The following HBS1L variants were observed in gnomAD, a reference collection of about 807,000 sequenced individuals.
The protein encoded by HBS1L is HBS1-like protein.
A neutral mutation model predicts 88.9 loss-of-function variants in HBS1L; 55 were observed. The ratio of observed to expected loss-of-function variants is 0.62; its 90% CI spans 0.50 to 0.77. HBS1L has a LOEUF of 0.77. Ranked by LOEUF, HBS1L falls within the 30% of genes least tolerant of loss-of-function variation. The pLI, the probability that HBS1L is intolerant of heterozygous loss-of-function variation, is 0.00. For missense variants in HBS1L, 741 were observed against 829.3 expected, an observed-to-expected ratio of 0.89 and a Z score of 1.31; for synonymous variants, 267 against 288.5, an observed-to-expected ratio of 0.93 and a Z score of 0.76.
Position 134,962,155 on chromosome 6 carries a change from T to C in HBS1L, c.*3124A>G, listed in dbSNP as rs900477600. The C allele has an allele frequency of 6.6e-6, 1 of 152,188 alleles. No homozygotes were observed. Among genetic ancestry groups the C allele is most frequent in the Non-Finnish European group, 1.5e-5 (1 of 68,016 alleles). The allele number at this position is 152,188 out of a possible 1,614,324, so 9.4% of individuals were successfully genotyped here. On this transcript the variant is annotated 3_prime_UTR_variant, in exon 18 of 18. Coordinates refer to ENST00000367837, the MANE Select transcript of HBS1L (RefSeq NM_006620.4). ...TAGAAGATGATTCAGTAGTTTGTAT[T>C]GGGCCTACTTGTCTTGATTTTTTGA...
rs1774248253 is a variant in HBS1L, at chr6:134,964,194, A to G, written c.*1085T>C. ...TACAAATCACGCTGCTAATAAAAAA[A>G]AAAGCTTATCATAAACAGTCTATCA... On this transcript the variant is annotated 3_prime_UTR_variant, in exon 18 of 18. Transcript: ENST00000367837. The G allele has an allele frequency of 6.6e-6, 1 of 152,172 alleles. No individual in the cohort carries two copies. The highest frequency in any genetic ancestry group is 1.5e-5 in the Non-Finnish European group (1 of 68,010). 9.4% of individuals were successfully genotyped at this position (152,172 alleles called of 1,614,324 possible).
intron 4 of HBS1L, among the ~76,000 whole-genome samples, chr6:135,011,533 C>A (rs1320480928): frequency 6.6e-6 from 1 of 152,016 alleles, no homozygotes; most frequent in Non-Finnish European, 1.5e-5. Flanking sequence ...AAAAAAGGTT[C>A]TCCCTGATTA....
At chr6:135,027,776 A>ATT (rs3071559) in intron 4 of HBS1L, among the ~76,000 whole-genome samples, 68,538 of 149,272 alleles carry the variant, frequency 0.46, 15,933 homozygotes, top group South Asian at 0.56. Context: ...ATAAAAACTC[A>ATT]TTTTTTTTTT....
chr6:134,985,780 G>C (rs538788259), intron 11 of HBS1L, among the ~76,000 whole-genome samples: 2 of 152,130 alleles, frequency 1.3e-5, no homozygotes, highest in East Asian at 1.9e-4. Context: ...TCGGATAAGG[G>C]ACATTCAACC....
rs1315314642 is a variant in HBS1L at position 134,960,453 on chromosome 6, T to C, written c.*4826A>G. On this transcript the variant is annotated 3_prime_UTR_variant, in exon 18 of 18. Coordinates refer to ENST00000367837, the MANE Select transcript of HBS1L (RefSeq NM_006620.4). ...GATCTATAAGGCAGAGCTATGAGAATTCCTCAATAATTGTAACTATGCCCT... is the reference window on the plus strand; with the variant it reads ...GATCTATAAGGCAGAGCTATGAGAACTCCTCAATAATTGTAACTATGCCCT... 1 of 152,136 alleles carries C rather than the reference T, an allele frequency of 6.6e-6. No individual in the cohort carries two copies. The highest frequency in any genetic ancestry group is 1.5e-5 in the Non-Finnish European group (1 of 67,960). 9.4% of individuals were successfully genotyped at this position (152,136 alleles called of 1,614,324 possible).
At chr6:135,050,461 T>C (rs1562320763) in intron 2 of HBS1L, 121 bp downstream of exon 2, 1 of 579,582 alleles carries the variant, frequency 1.7e-6, no homozygotes, top group African/African-American at 2.0e-5. Context: ...ATAATTAACA[T>C]ATAATTAACT....
intron 1 of HBS1L, 44 bp from the exon 2 acceptor site, chr6:135,050,691 T>C: frequency 7.8e-7 from 1 of 1,275,342 alleles, no homozygotes; most frequent in Non-Finnish European, 1.1e-6. Flanking sequence ...CAAGTTCTTT[T>C]TATATTCTTA....
intron 4 of HBS1L, among the ~76,000 whole-genome samples, chr6:135,009,343 A>T (rs1454588193): frequency 6.6e-6 from 1 of 152,234 alleles, no homozygotes; most frequent in African/African-American, 2.4e-5. Flanking sequence ...AGAGGCAATA[A>T]GCAAGAGAAA....
At chr6:134,972,095 T>C (rs1429114813) in intron 15 of HBS1L, among the ~76,000 whole-genome samples, 3 of 152,196 alleles carry the variant, frequency 2.0e-5, no homozygotes, top group Non-Finnish European at 4.4e-5. Context: ...TATTTACCTT[T>C]CTAAAGTTCT....
chr6:135,022,396 C>CAT (rs2114858461), intron 4 of HBS1L, among the ~76,000 whole-genome samples: 1 of 151,118 alleles, frequency 6.6e-6, no homozygotes, highest in South Asian at 2.1e-4. Context: ...TAGATGGTAT[C>CAT]AGCTGTTCAT....
chr6:135,037,316 GA>G, intron 4 of HBS1L: 1 of 1,551,944 alleles, frequency 6.4e-7, no homozygotes, highest in Non-Finnish European at 8.7e-7. Context: ...TTGTGTTCCT[GA>G]AACAGTTCAG....
chr6:134,964,888 T>C lies in HBS1L; in HGVS notation c.*391A>G, dbSNP rs186774858. 4.5e-4 allele frequency: 76 copies of C among 168,006 alleles called. 1 individual carries two copies. The East Asian group carries it at 9.1e-3, about 20-fold the overall frequency. 10.4% of individuals were successfully genotyped at this position (168,006 alleles called of 1,614,324 possible). A position where few individuals can be genotyped will look rare whatever the true frequency, so the allele number is the denominator to read the frequency against. ...CCTGAAAAACCCAATTAAGTTACTT[T>C]TCCTTAAAACATGTGCAGTATAATT... On this transcript the variant is annotated 3_prime_UTR_variant, in exon 18 of 18. Transcript: ENST00000367837.
chr6:135,040,271 A>C (rs916682410), intron 3 of HBS1L, among the ~76,000 whole-genome samples: 1 of 152,026 alleles, frequency 6.6e-6, no homozygotes, highest in Non-Finnish European at 1.5e-5. Context: ...TCTTTAAAAA[A>C]CGGCAAGATA....
At chr6:135,024,441 A>G (rs78737567) in intron 4 of HBS1L, among the ~76,000 whole-genome samples, 1 of 108,856 alleles carries the variant, frequency 9.2e-6, no homozygotes, top group Non-Finnish European at 1.7e-5. Flanking sequence ...CTTCGTCTCA[A>G]AAAAAAAAAA....
In HBS1L at chr6:135,050,928, T is replaced by C. The variant is rs529755397; in HGVS notation, c.44-281A>G. Among the ~76,000 whole-genome samples the C allele has an allele frequency of 3.9e-5, 6 of 152,294 alleles. No homozygotes were observed. The South Asian group carries it at 1.2e-3, about 32-fold the overall frequency. ...CTCATAGGATCAAATACAATAATCC[T>C]ATAAAAAATATACTTGAGGCCAGGC... On this transcript the variant is annotated intron_variant, in intron 1 of 17. Transcript: ENST00000367837.
rs1774273394 is a variant in HBS1L at position 134,965,114 on chromosome 6, G to A, written c.*165C>T. 1.1e-5 allele frequency: 7 copies of A among 648,796 alleles called. No individual in the cohort carries two copies. The South Asian group carries it at 1.3e-4, about 12-fold the overall frequency. 40.2% of individuals were successfully genotyped at this position (648,796 alleles called of 1,614,324 possible). On this transcript the variant is annotated 3_prime_UTR_variant, in exon 18 of 18. Transcript: ENST00000367837. Reference sequence around the variant, plus strand: ...CAGTTGGCAACTTAGAATTTTTGCAGAGGTGATTATTAATACTTCTTTGCA... The same window carrying A: ...CAGTTGGCAACTTAGAATTTTTGCAAAGGTGATTATTAATACTTCTTTGCA...
chr6:135,036,892 G>T, intron 4 of HBS1L: 3 of 1,551,508 alleles, frequency 1.9e-6, no homozygotes, highest in Non-Finnish European at 2.6e-6. Flanking sequence ...CCCTAGCTTT[G>T]AACTTAGAAC....
intron 4 of HBS1L, among the ~76,000 whole-genome samples, chr6:135,033,748 A>G (rs1441727719): frequency 6.6e-6 from 1 of 152,242 alleles, no homozygotes; most frequent in Non-Finnish European, 1.5e-5. Context: ...TTATAAAAGA[A>G]GGTAACACAA....
At chr6:134,980,030 G>GC (rs1449275418) in intron 13 of HBS1L, among the ~76,000 whole-genome samples, 1 of 151,890 alleles carries the variant, frequency 6.6e-6, no homozygotes, top group Non-Finnish European at 1.5e-5. Flanking sequence ...TTACTCAAAG[G>GC]CTTTTAAAAT....
Sources: allele counts gnomAD v4.1 joint callset (sites outside exome capture counted in the v4.1 genomes callset), GRCh38; gene constraint gnomAD v4.1.1; transcripts MANE v1.5; gene names NCBI Gene and HGNC (gene_info 2026-07-23, HGNC 2026-07-21).